The following BRIP1 variants were observed in gnomAD, a reference collection of about 807,000 sequenced individuals.
BRIP1 encodes BRCA1 interacting DNA helicase 1, also known as Fanconi anemia group J protein.
Under a neutral mutation model 119.7 loss-of-function variants are expected in BRIP1, and 88 were observed. The ratio of observed to expected loss-of-function variants is 0.74; its 90% CI spans 0.62 to 0.88. BRIP1 has a LOEUF of 0.88. Among genes scored for constraint, BRIP1 ranks in the 40% least tolerant of loss-of-function variants. The probability of loss-of-function intolerance (pLI) is 0.00; values close to 1 mark genes in which losing one functional copy is unlikely to be tolerated. For missense variants in BRIP1, 1,259 were observed against 1,455.4 expected, an observed-to-expected ratio of 0.87 and a Z score of 2.20; for synonymous variants, 443 against 496.5, an observed-to-expected ratio of 0.89 and a Z score of 1.43.
Position 61,796,490 on chromosome 17 carries a change from G to A in BRIP1, c.1340+2610C>T, listed in dbSNP as rs555009620. On this transcript the variant is annotated intron_variant, in intron 9 of 19. Coordinates refer to ENST00000259008, the MANE Select transcript of BRIP1 (RefSeq NM_032043.3). The surrounding 1 kb of genome is among the most constrained non-coding windows in gnomAD (Gnocchi z 4.8). Reference sequence around the variant, plus strand: ...CTGTAGATGGATATCCAGTTTTCCCGGCACCATTTATTGAAGAGACTGTCT... The same window carrying A: ...CTGTAGATGGATATCCAGTTTTCCCAGCACCATTTATTGAAGAGACTGTCT... 1.3e-5 allele frequency among the ~76,000 whole-genome samples: 2 copies of A among 151,922 alleles called. No individual in the cohort carries two copies. The highest frequency in any genetic ancestry group is 2.1e-4 in the South Asian group (1 of 4,804).
chr17:61,821,741 A>ATC (rs138300920), intron 6 of BRIP1, among the ~76,000 whole-genome samples: 126 of 149,728 alleles, frequency 8.4e-4, no homozygotes, highest in African/African-American at 1.8e-3. Flanking sequence ...AAGATACAGG[A>ATC]TCTCTCTCTC....
At chr17:61,837,408 A>G (rs1036609882) in intron 6 of BRIP1, among the ~76,000 whole-genome samples, 2 of 152,238 alleles carry the variant, frequency 1.3e-5, no homozygotes, top group South Asian at 2.1e-4. Context: ...GAAGGTCAAC[A>G]GCGCACTCTG....
In BRIP1 at chr17:61,776,411, G is replaced by A. The variant is rs147755155; in HGVS notation, c.2087C>T (p.Pro696Leu). The A allele has an allele frequency of 7.4e-5, 120 of 1,614,080 alleles. No individual in the cohort carries two copies. The highest frequency in any genetic ancestry group is 1.7e-4 in the Middle Eastern group (1 of 6,060). Residue 696 changes from proline to leucine, a missense_variant, in exon 14 of 20, where the codon CCA becomes CTA. Pro to Leu is a moderately conservative substitution (Grantham distance 98). This residue lies in a region of BRIP1 where 753 missense variants were observed against 891.8 expected (regional missense o/e 0.84). Coordinates refer to ENST00000259008, the MANE Select transcript of BRIP1 (RefSeq NM_032043.3). The surrounding 1 kb of genome is among the most constrained non-coding windows in gnomAD (Gnocchi z 5.0). ...TAAATATTCCCTTACCTTGTAAGAT[G>A]GCAAGAAACACAAAATTCCTTGGCT... Reference protein sequence around the residue: ...TVSQGILCFLPSYKLLEKLKE... With the variant: ...TVSQGILCFLLSYKLLEKLKE...
intron 16 of BRIP1, among the ~76,000 whole-genome samples, chr17:61,721,673 T>C (rs1231353321): frequency 3.4e-5 from 5 of 145,092 alleles, no homozygotes; most frequent in African/African-American, 1.0e-4. Flanking sequence ...AAAGGACATA[T>C]AAAGGACATA....
At chr17:61,785,098 G>T (rs558819569) in intron 10 of BRIP1, among the ~76,000 whole-genome samples, 1 of 152,234 alleles carries the variant, frequency 6.6e-6, no homozygotes, top group Non-Finnish European at 1.5e-5. Flanking sequence ...TCAGATGTAA[G>T]GAATTAAATA....
intron 17 of BRIP1, among the ~76,000 whole-genome samples, chr17:61,711,871 A>AT (rs1408132684): frequency 1.6e-4 from 21 of 132,096 alleles, no homozygotes; most frequent in Admixed American, 6.6e-4. Flanking sequence ...CTCTCAAAAA[A>AT]AAAATAATAA....
rs369347547 is a variant in BRIP1, at chr17:61,691,200, C to T, written c.2575+2230G>A. On this transcript the variant is annotated intron_variant, in intron 18 of 19. Coordinates refer to ENST00000259008, the MANE Select transcript of BRIP1 (RefSeq NM_032043.3). This position sits in a 1 kb window ranked among gnomAD's most constrained non-coding sequence, Gnocchi z 5.0. ...TGTATACATATGTAACAAACCTGCA[C>T]GTTGTGCACATGTACCCTAGAACTT... Among the ~76,000 whole-genome samples, 5 of 151,464 alleles carry T rather than the reference C, an allele frequency of 3.3e-5. No homozygotes were observed. The highest frequency in any genetic ancestry group is 7.4e-5 in the Non-Finnish European group (5 of 67,910).
rs897429988 is a variant in BRIP1, at chr17:61,768,447, G to C, written c.2097+7954C>G. On this transcript the variant is annotated intron_variant, in intron 14 of 19. Transcript: ENST00000259008. This position sits in a 1 kb window ranked among gnomAD's most constrained non-coding sequence, Gnocchi z 5.0. ...CTCTAACTTCAAAGGCAGTAAGAAA[G>C]ACTTGGAACAATAAGAGTTAGTCTC... 2.0e-5 allele frequency among the ~76,000 whole-genome samples: 3 copies of C among 152,150 alleles called. No homozygotes were observed. Among genetic ancestry groups the C allele is most frequent in the African/African-American group, 7.2e-5 (3 of 41,434 alleles).
intron 16 of BRIP1, among the ~76,000 whole-genome samples, chr17:61,737,880 C>T (rs1049061571): frequency 3.9e-5 from 6 of 152,136 alleles, no homozygotes; most frequent in Non-Finnish European, 7.3e-5. Context: ...TTGCCATGTG[C>T]GGTAGAAATT....
At position 61,760,014 on chromosome 17, in the gene BRIP1, T is replaced by C. The variant is rs886154157; in HGVS notation, c.2098-15423A>G. ...CACATTCTTCTCAAATACCATAAAA[T>C]AGTCTCCAGGATAGATTATATATTA... On this transcript the variant is annotated intron_variant, in intron 14 of 19. Transcript: ENST00000259008. This position sits in a 1 kb window ranked among gnomAD's most constrained non-coding sequence, Gnocchi z 4.6. Among the ~76,000 whole-genome samples the C allele has an allele frequency of 6.6e-6, 1 of 151,950 alleles. No homozygotes were observed. Among genetic ancestry groups the C allele is most frequent in the African/African-American group, 2.4e-5 (1 of 41,396 alleles).
intron 14 of BRIP1, among the ~76,000 whole-genome samples, chr17:61,772,393 G>A (rs556717881): frequency 1.3e-5 from 2 of 151,836 alleles, no homozygotes; most frequent in Admixed American, 6.6e-5. Context: ...GAGGGTAACA[G>A]GAAATGGGGA....
intron 14 of BRIP1, among the ~76,000 whole-genome samples, chr17:61,765,394 TATATATATATATATATATA>T (rs2077345303): frequency 1.3e-4 from 2 of 15,892 alleles, no homozygotes; most frequent in Non-Finnish European, 1.4e-4. Flanking sequence ...TATATATATA[TATATATATATATATATATA>T]TATATATATA....
In BRIP1 at chr17:61,772,198, TATATATATATAA is replaced by T. The variant is rs1368522840; in HGVS notation, c.2097+4191_2097+4202del. On this transcript the variant is annotated intron_variant, in intron 14 of 19. Coordinates refer to ENST00000259008, the MANE Select transcript of BRIP1 (RefSeq NM_032043.3). ...ATATATATATATATATATATATATA[TATATATATATAA>T]AATGAAATATTATTCTGCCATAAAA... 9.5e-3 allele frequency among the ~76,000 whole-genome samples: 933 copies of T among 98,460 alleles called. 30 individuals are homozygous for T. Among genetic ancestry groups the T allele is most frequent in the East Asian group, 0.046 (146 of 3,142 alleles). The allele number at this position is 98,460 out of a possible 152,430, so 64.6% of individuals were successfully genotyped here. A position where few individuals can be genotyped will look rare whatever the true frequency, so the allele number is the denominator to read the frequency against.
Position 61,684,880 on chromosome 17 carries a change from G to A in BRIP1, c.2906-740C>T, listed in dbSNP as rs2061338060. 6.6e-6 allele frequency: 1 copy of A among 152,160 alleles called. No homozygotes were observed. The highest frequency in any genetic ancestry group is 2.4e-5 in the African/African-American group (1 of 41,410). 9.4% of individuals were successfully genotyped at this position (152,160 alleles called of 1,614,324 possible). On this transcript the variant is annotated intron_variant, in intron 19 of 19. Transcript: ENST00000259008. This position sits in a 1 kb window ranked among gnomAD's most constrained non-coding sequence, Gnocchi z 4.5. ...CAATTCTCCTGCCTCAGCCTCCTGA[G>A]TAGCTGGGATTACAGACAGCTGCCT...
In BRIP1 at chr17:61,780,553, C is replaced by A; in HGVS notation, c.1795-152G>T. ...GACCAGCCTGGGCAATATGGTGAAA[C>A]CCCGTCTCTACAAAAAATACAAAAA... On this transcript the variant is annotated intron_variant, in intron 12 of 19. Coordinates refer to ENST00000259008, the MANE Select transcript of BRIP1 (RefSeq NM_032043.3). This position sits in a 1 kb window ranked among gnomAD's most constrained non-coding sequence, Gnocchi z 5.4. The A allele has an allele frequency of 1.3e-6, 1 of 766,316 alleles. No individual in the cohort carries two copies. Among genetic ancestry groups the A allele is most frequent in the Admixed American group, 2.5e-5 (1 of 39,896 alleles). The allele number at this position is 766,316 out of a possible 1,614,324, so 47.5% of individuals were successfully genotyped here.
intron 6 of BRIP1, among the ~76,000 whole-genome samples, chr17:61,820,521 G>C (rs902714181): frequency 2.6e-5 from 4 of 152,140 alleles, no homozygotes; most frequent in Admixed American, 6.5e-5. Flanking sequence ...GCCACATTTG[G>C]ATGAGACATA....
rs956583534 is a variant in BRIP1 at position 61,730,589 on chromosome 17, A to C, written c.2379+12424T>G. ...GTCAAAGTTCCTTTTCTCACCAAAA[A>C]TAAGATGAACACAAGAAAATAACTT... On this transcript the variant is annotated intron_variant, in intron 16 of 19. Coordinates refer to ENST00000259008, the MANE Select transcript of BRIP1 (RefSeq NM_032043.3). This position sits in a 1 kb window ranked among gnomAD's most constrained non-coding sequence, Gnocchi z 4.3. Among the ~76,000 whole-genome samples the C allele has an allele frequency of 6.6e-6, 1 of 152,218 alleles. No homozygotes were observed.
chr17:61,770,041 G>A lies in BRIP1; in HGVS notation c.2097+6360C>T, dbSNP rs192734534. 8.5e-5 allele frequency among the ~76,000 whole-genome samples: 13 copies of A among 152,262 alleles called. No individual in the cohort carries two copies. In the East Asian group the frequency reaches 1.7e-3, roughly 20 times the overall value. On this transcript the variant is annotated intron_variant, in intron 14 of 19. Coordinates refer to ENST00000259008, the MANE Select transcript of BRIP1 (RefSeq NM_032043.3). The surrounding 1 kb of genome is among the most constrained non-coding windows in gnomAD (Gnocchi z 4.7). ...ACAACCATTTTGAAATACGTTCAAC[G>A]CATTCTCTAAAACAATGGCCAGTCT...
At chr17:61,781,399 A>C (rs1392046984) in intron 11 of BRIP1, among the ~76,000 whole-genome samples, 1 of 152,206 alleles carries the variant, frequency 6.6e-6, no homozygotes, top group East Asian at 1.9e-4. Context: ...ATGGTTAAAG[A>C]GACTAAAAGG....
Sources: allele counts gnomAD v4.1 joint callset (sites outside exome capture counted in the v4.1 genomes callset), GRCh38; gene constraint gnomAD v4.1.1; regional missense constraint gnomAD v4.1.1; non-coding constraint Gnocchi (gnomAD v3.1); transcripts MANE v1.5; gene names NCBI Gene and HGNC (gene_info 2026-07-23, HGNC 2026-07-21).